The following TEAD1 variants were observed in gnomAD, a reference collection of about 807,000 sequenced individuals.
TEAD1 encodes TEA domain transcription factor 1, also known as transcriptional enhancer factor TEF-1.
A neutral mutation model predicts 54.9 loss-of-function variants in TEAD1; 9 were observed. That is an observed-to-expected ratio of 0.16 (90% CI 0.10 to 0.29). The LOEUF (loss-of-function observed/expected upper bound fraction) is 0.29. TEAD1 is among the 10% of genes least tolerant of loss of function. TEAD1 has a pLI of 1.00. For missense variants in TEAD1, 387 were observed against 535.9 expected, an observed-to-expected ratio of 0.72 and a Z score of 2.74; for synonymous variants, 200 against 187.8, an observed-to-expected ratio of 1.07 and a Z score of -0.53.
chr11:12,739,641 A>G lies in TEAD1; in HGVS notation c.-54-24538A>G, dbSNP rs188065778. On this transcript the variant is annotated intron_variant, in intron 2 of 12. Coordinates refer to ENST00000527636, the MANE Select transcript of TEAD1 (RefSeq NM_021961.6). ...CCTTTTCAAGGCTGGATAATATTCA[A>G]GGTCCCATTTTATTAAAACCTCAAG... is the stretch of plus-strand genomic sequence containing the variant. 7.2e-5 allele frequency among the ~76,000 whole-genome samples: 11 copies of G among 152,344 alleles called. No homozygotes were observed. The East Asian group carries it at 2.1e-3, about 29-fold the overall frequency.
intron 2 of TEAD1, among the ~76,000 whole-genome samples, chr11:12,687,562 A>G (rs1012118961): frequency 6.6e-6 from 1 of 152,204 alleles, no homozygotes; most frequent in Admixed American, 6.5e-5. Flanking sequence ...CAAGTCACCT[A>G]TCCGGTTTTC....
intron 2 of TEAD1, among the ~76,000 whole-genome samples, chr11:12,678,348 A>G (rs995168922): frequency 6.6e-6 from 1 of 152,202 alleles, no homozygotes; most frequent in East Asian, 1.9e-4. Flanking sequence ...CCCTTTGACA[A>G]ACCTAGGCTG....
At chr11:12,749,457 G>A (rs527975931) in intron 2 of TEAD1, among the ~76,000 whole-genome samples, 8 of 152,274 alleles carry the variant, frequency 5.3e-5, no homozygotes, top group Non-Finnish European at 1.0e-4. Context: ...GTGTGCTGGG[G>A]ACCCGTAGAA....
At chr11:12,800,576 G>T (rs1946035373) in intron 3 of TEAD1, among the ~76,000 whole-genome samples, 1 of 152,162 alleles carries the variant, frequency 6.6e-6, no homozygotes, top group African/African-American at 2.4e-5. Context: ...CTACTAAGGT[G>T]CTGATTCAAG....
At chr11:12,805,262 A>G (rs748114133) in intron 3 of TEAD1, among the ~76,000 whole-genome samples, 9 of 152,198 alleles carry the variant, frequency 5.9e-5, no homozygotes, top group Non-Finnish European at 8.8e-5. Context: ...GTATATCACA[A>G]TGAACATGCC....
chr11:12,822,391 G>A (rs1367715441), intron 3 of TEAD1: 5 of 152,214 alleles, frequency 3.3e-5, no homozygotes, highest in Non-Finnish European at 7.3e-5. Context: ...CATTGCATAC[G>A]TGACATACTT....
intron 5 of TEAD1, among the ~76,000 whole-genome samples, chr11:12,869,174 TCA>T (rs1947687073): frequency 2.6e-5 from 4 of 152,138 alleles, no homozygotes; most frequent in African/African-American, 9.7e-5. Context: ...TACATGGGGT[TCA>T]TTCAAATTTA....
At chr11:12,868,270 C>T (rs1316149836) in intron 5 of TEAD1, among the ~76,000 whole-genome samples, 1 of 152,164 alleles carries the variant, frequency 6.6e-6, no homozygotes, top group East Asian at 1.9e-4. Flanking sequence ...CCCTCAAATC[C>T]TTAGTAATGG....
At chr11:12,798,776 G>A (rs536616496) in intron 3 of TEAD1, among the ~76,000 whole-genome samples, 7 of 152,318 alleles carry the variant, frequency 4.6e-5, no homozygotes, top group South Asian at 2.1e-4. Context: ...TGAATGCTGC[G>A]TTTCCATAAA....
Position 12,793,102 on chromosome 11 carries a change from T to C in TEAD1, c.202+28668T>C, listed in dbSNP as rs544756663. Among the ~76,000 whole-genome samples, 8 of 151,796 alleles carry C rather than the reference T, an allele frequency of 5.3e-5. No homozygotes were observed. In the South Asian group the frequency reaches 1.2e-3, roughly 24 times the overall value. ...AAACAAAAAAGATTTTTGCATATCA[T>C]TGAAAATCTATGAAGTGGTTTTTTT... On this transcript the variant is annotated intron_variant, in intron 3 of 12. Transcript: ENST00000527636.
At chr11:12,903,662 A>G (rs1449483209) in intron 10 of TEAD1, among the ~76,000 whole-genome samples, 2 of 152,184 alleles carry the variant, frequency 1.3e-5, no homozygotes, top group Non-Finnish European at 2.9e-5. Flanking sequence ...AAAATACAAA[A>G]TTAGTCAGGC....
chr11:12,737,821 T>C (rs1234447610), intron 2 of TEAD1, among the ~76,000 whole-genome samples: 1 of 152,176 alleles, frequency 6.6e-6, no homozygotes, highest in Non-Finnish European at 1.5e-5. Context: ...AAGGGTGATG[T>C]ATTAGTCCAT....
intron 5 of TEAD1, among the ~76,000 whole-genome samples, chr11:12,877,379 G>A (rs933901473): frequency 7.2e-5 from 11 of 152,192 alleles, no homozygotes; most frequent in Middle Eastern, 3.2e-3. Flanking sequence ...GTGGCTGGGC[G>A]TGGTGGCTTA....
At chr11:12,722,974 A>T (rs1036082072) in intron 2 of TEAD1, among the ~76,000 whole-genome samples, 1 of 147,486 alleles carries the variant, frequency 6.8e-6, no homozygotes, top group South Asian at 2.1e-4. Context: ...GGACATCTAG[A>T]TTTTTTTTTT....
chr11:12,835,182 T>A (rs1189317738), intron 3 of TEAD1, among the ~76,000 whole-genome samples: 1 of 152,178 alleles, frequency 6.6e-6, no homozygotes, highest in Non-Finnish European at 1.5e-5. Context: ...TTTTTTTAGC[T>A]ACAAAGCAGC....
At chr11:12,883,313 A>G (rs552679456) in intron 9 of TEAD1, among the ~76,000 whole-genome samples, 188 bp downstream of exon 9, 1 of 152,324 alleles carries the variant, frequency 6.6e-6, no homozygotes, top group East Asian at 1.9e-4. Flanking sequence ...AGATTTGTAG[A>G]AAACAGCAGA....
chr11:12,724,488 G>T (rs1590087010), intron 2 of TEAD1, among the ~76,000 whole-genome samples: 3 of 152,360 alleles, frequency 2.0e-5, no homozygotes, highest in Admixed American at 2.0e-4. Flanking sequence ...TGTTTGTAAT[G>T]AAGAGGGGCA....
At chr11:12,882,050 A>G (rs1000619838) in intron 8 of TEAD1, 93 bp downstream of exon 8, 2 of 1,388,964 alleles carry the variant, frequency 1.4e-6, no homozygotes, top group Non-Finnish European at 2.0e-6. Flanking sequence ...GAGATGCTCA[A>G]CTTTGCCACA....
intron 3 of TEAD1, among the ~76,000 whole-genome samples, chr11:12,841,609 G>C (rs990988340): frequency 5.3e-5 from 8 of 152,110 alleles, no homozygotes; most frequent in Non-Finnish European, 1.2e-4. Flanking sequence ...TCAGCTACTT[G>C]CATTTTTTGG....
Sources: allele counts gnomAD v4.1 joint callset (sites outside exome capture counted in the v4.1 genomes callset), GRCh38; gene constraint gnomAD v4.1.1; transcripts MANE v1.5; gene names NCBI Gene and HGNC (gene_info 2026-07-23, HGNC 2026-07-21).